Variants in GRM5 observed in about 807,000 individuals in gnomAD.
GRM5 encodes the protein glutamate metabotropic receptor 5, also known as metabotropic glutamate receptor 5.
GRM5 carries 19 observed loss-of-function variants against 83.1 expected under a neutral mutation model. That is an observed-to-expected ratio of 0.23 (90% confidence interval 0.16 to 0.34). The LOEUF is 0.34. Among genes scored for constraint, GRM5 ranks in the 10% least tolerant of loss-of-function variants. GRM5 has a pLI of 1.00. For synonymous variants in GRM5, 675 were observed against 633.6 expected (o/e 1.07, Z -0.98); for missense variants, 1,160 against 1,588.3 (o/e 0.73, Z 4.58).
chr11:88,990,712 G>C (rs1284893641), intron 2 of GRM5, among the ~76,000 whole-genome samples: 2 of 149,776 alleles, frequency 1.3e-5, no homozygotes, highest in Non-Finnish European at 3.0e-5. Context: ...TTCAATATAC[G>C]CAAATCAATA....
At chr11:88,960,914 G>A (rs1281244848) in intron 2 of GRM5, among the ~76,000 whole-genome samples, 6 of 151,994 alleles carry the variant, frequency 3.9e-5, no homozygotes, top group South Asian at 2.1e-4. Flanking sequence ...TAGATGAAGC[G>A]GTTTTTAACA....
At chr11:88,520,504 A>G (rs975672917) in intron 9 of GRM5, among the ~76,000 whole-genome samples, 1 of 152,182 alleles carries the variant, frequency 6.6e-6, no homozygotes, top group African/African-American at 2.4e-5. Context: ...GCATGTGGTA[A>G]GAAATGGGCA....
chr11:88,593,762 T>TTCTCTC (rs113152007), intron 6 of GRM5, among the ~76,000 whole-genome samples: 2 of 89,982 alleles, frequency 2.2e-5, no homozygotes, highest in African/African-American at 5.7e-5. Flanking sequence ...CCCTCCCTCC[T>TTCTCTC]TCTCTCTCTC....
chr11:88,725,038 A>C (rs2387405), intron 3 of GRM5, among the ~76,000 whole-genome samples: 4 of 152,066 alleles, frequency 2.6e-5, no homozygotes, highest in African/African-American at 9.7e-5. Context: ...CCTGGATGCC[A>C]TGATACAGAA....
chr11:88,629,035 T>C (rs1488241091), intron 4 of GRM5, among the ~76,000 whole-genome samples: 15 of 152,196 alleles, frequency 9.9e-5, no homozygotes, highest in Admixed American at 9.8e-4. Flanking sequence ...AGTAGGTTTG[T>C]AAATGGTGCT....
intron 2 of GRM5, among the ~76,000 whole-genome samples, chr11:88,858,485 A>G (rs970815683): frequency 6.6e-6 from 1 of 152,090 alleles, no homozygotes; most frequent in African/African-American, 2.4e-5. Flanking sequence ...GTATGGAGTT[A>G]GAGAAAGAAG....
At chr11:88,703,361 A>G (rs1362332712) in intron 3 of GRM5, among the ~76,000 whole-genome samples, 1 of 142,878 alleles carries the variant, frequency 7.0e-6, no homozygotes, top group Non-Finnish European at 1.6e-5. Context: ...AACTTGTCAC[A>G]TTGGGATAGT....
At position 88,505,201 on chromosome 11, in the gene GRM5, G is replaced by A. The variant is rs1447922618; in HGVS notation, c.*3391C>T. ...TTTTCACAGTATAAAATTGTAAATG[G>A]TAACTATAGAGATTCTGACAGCTTG... On this transcript the variant is annotated 3_prime_UTR_variant, in exon 10 of 10. Coordinates refer to ENST00000305447, the MANE Select transcript of GRM5 (RefSeq NM_001143831.3). The A allele has an allele frequency of 6.6e-6, 1 of 152,132 alleles. No homozygotes were observed. The highest frequency in any genetic ancestry group is 1.5e-5 in the Non-Finnish European group (1 of 68,008). 9.4% of individuals were successfully genotyped at this position (152,132 alleles called of 1,614,324 possible).
intron 2 of GRM5, among the ~76,000 whole-genome samples, chr11:88,979,968 G>C (rs191670161): frequency 6.6e-6 from 1 of 152,058 alleles, no homozygotes; most frequent in Admixed American, 6.6e-5. Flanking sequence ...GAAATCTAAG[G>C]CATTTTATTG....
chr11:88,990,110 G>A (rs1354436863), intron 2 of GRM5, among the ~76,000 whole-genome samples: 44 of 146,272 alleles, frequency 3.0e-4, no homozygotes, highest in East Asian at 6.0e-4. Flanking sequence ...TTGATAGACT[G>A]CTAGCAAGAC....
At chr11:88,582,065 C>T (rs956617548) in intron 7 of GRM5, among the ~76,000 whole-genome samples, 2 of 152,138 alleles carry the variant, frequency 1.3e-5, no homozygotes, top group Non-Finnish European at 2.9e-5. Flanking sequence ...CATTTCCTCT[C>T]CTCTCTTTTA....
chr11:88,556,311 A>ATTATT (rs1942624993), intron 8 of GRM5, among the ~76,000 whole-genome samples: 1 of 130,308 alleles, frequency 7.7e-6, no homozygotes, highest in Non-Finnish European at 1.6e-5. Flanking sequence ...TGTGGGACAC[A>ATTATT]TTCTTTTCTT....
chr11:88,613,634 C>T (rs1938388227), intron 4 of GRM5, among the ~76,000 whole-genome samples: 1 of 152,004 alleles, frequency 6.6e-6, no homozygotes, highest in Non-Finnish European at 1.5e-5. Context: ...CTTCTTTATC[C>T]AACTTGCCAT....
intron 2 of GRM5, among the ~76,000 whole-genome samples, chr11:88,982,802 C>T (rs1939571673): frequency 6.6e-6 from 1 of 152,200 alleles, no homozygotes; most frequent in Non-Finnish European, 1.5e-5. Flanking sequence ...TGCAGTGGCT[C>T]ATGCCTTTAA....
intron 3 of GRM5, among the ~76,000 whole-genome samples, chr11:88,807,515 A>T (rs180759086): frequency 2.0e-5 from 3 of 152,276 alleles, no homozygotes; most frequent in Admixed American, 2.0e-4. Flanking sequence ...ATTAAGATTG[A>T]AACTAGATTG....
At chr11:89,028,215 C>T (rs546885389) in intron 2 of GRM5, among the ~76,000 whole-genome samples, 90 of 152,290 alleles carry the variant, frequency 5.9e-4, no homozygotes, top group African/African-American at 2.1e-3. Flanking sequence ...AAGAAGCCCA[C>T]ATCCTCATTA....
chr11:88,658,392 G>T (rs116311484), intron 3 of GRM5, among the ~76,000 whole-genome samples: 2 of 152,098 alleles, frequency 1.3e-5, no homozygotes, highest in Non-Finnish European at 2.9e-5. Context: ...ACCTGAATGG[G>T]ACAGGCATCC....
chr11:89,063,227 G>T (rs1942032351), intron 1 of GRM5, among the ~76,000 whole-genome samples: 1 of 152,224 alleles, frequency 6.6e-6, no homozygotes, highest in Non-Finnish European at 1.5e-5. Flanking sequence ...GGATGCGAAG[G>T]CATGCAGAAT....
chr11:88,834,404 G>A (rs550017236), intron 3 of GRM5, among the ~76,000 whole-genome samples: 1 of 152,262 alleles, frequency 6.6e-6, no homozygotes, highest in Non-Finnish European at 1.5e-5. Flanking sequence ...ATAAAGACTT[G>A]TATTCATGAC....
Sources: allele counts gnomAD v4.1 joint callset (sites outside exome capture counted in the v4.1 genomes callset), GRCh38; gene constraint gnomAD v4.1.1; transcripts MANE v1.5; gene names NCBI Gene and HGNC (gene_info 2026-07-23, HGNC 2026-07-21).